Variants in DMXL1 observed in about 807,000 individuals in gnomAD.
The protein encoded by DMXL1 is dmX-like protein 1.
A neutral mutation model predicts 319.2 loss-of-function variants in DMXL1; 99 were observed. The ratio of observed to expected loss-of-function variants is 0.31; its 90% CI spans 0.26 to 0.37. DMXL1 has a LOEUF of 0.37. DMXL1 is among the 10% of genes least tolerant of loss of function. The probability of loss-of-function intolerance (pLI) is 1.00; values close to 1 mark genes in which losing one functional copy is unlikely to be tolerated. For missense variants in DMXL1, 3,745 were observed against 3,595.6 expected (o/e 1.04, Z -1.06); for synonymous variants, 1,385 against 1,235.2 (o/e 1.12, Z -2.54).
intron 38 of DMXL1, among the ~76,000 whole-genome samples, chr5:119,227,195 G>A (rs531357031): frequency 6.6e-6 from 1 of 152,266 alleles, no homozygotes; most frequent in East Asian, 1.9e-4. Flanking sequence ...TGTATTTTAT[G>A]TCACACTGGG....
intron 1 of DMXL1, among the ~76,000 whole-genome samples, chr5:119,094,057 G>A (rs1580659938): frequency 6.6e-6 from 1 of 152,228 alleles, no homozygotes; most frequent in East Asian, 1.9e-4. Context: ...TGATGTAGAA[G>A]CTTCGGCATG....
rs773415378 is a variant in DMXL1, at chr5:119,164,541, C to T, written c.4737C>T (p.His1579=). 2 of 1,614,058 alleles carry T rather than the reference C, an allele frequency of 1.2e-6. No individual in the cohort carries two copies. Among genetic ancestry groups the T allele is most frequent in the Non-Finnish European group, 1.7e-6 (2 of 1,179,952 alleles). ...CAAGTCATTTTGCTTGGGCATTTCA[C>T]TCAGTAGCAGAAGAAGAACTGCTGA... ...LSTSHFAWAF[H]SVAEEELLNM... is the part of the protein sequence containing the mutation. The change falls in exon 20 of 44, where the codon CAC becomes CAT. Residue 1579 remains histidine (H), a synonymous_variant. Transcript: ENST00000539542.
intron 9 of DMXL1, chr5:119,127,604 A>G (rs1763891742): frequency 6.1e-6 from 1 of 164,054 alleles, no homozygotes; most frequent in Admixed American, 6.4e-5. Flanking sequence ...ATGCCTGGCT[A>G]ATTTTTGTAT....
At chr5:119,224,352 A>G (rs1785164112) in intron 37 of DMXL1, among the ~76,000 whole-genome samples, 4 of 152,086 alleles carry the variant, frequency 2.6e-5, no homozygotes, top group Admixed American at 2.6e-4. Context: ...AAATTTATTT[A>G]ATTTTCTCTT....
chr5:119,121,091 A>G lies in DMXL1; in HGVS notation c.1054A>G (p.Asn352Asp), dbSNP rs762757255. 8 of 1,610,384 alleles carry G rather than the reference A, an allele frequency of 5.0e-6. No homozygotes were observed. Among genetic ancestry groups the G allele is most frequent in the Non-Finnish European group, 6.8e-6 (8 of 1,179,016 alleles). ...TCACAGGAACACTCCACTGCATGCC[A>G]ATGCACTTTGCCACTTTCATATTGC... ...HVHRNTPLHA[N>D]ALCHFHIAAS... The change falls in exon 9 of 44, where the codon AAT (asparagine) becomes GAT (aspartate). Residue 352 changes from asparagine to aspartate, a missense_variant. Transcript: ENST00000539542.
rs1364062890 is a variant in DMXL1 at position 119,171,869 on chromosome 5, T to C, written c.6581T>C (p.Val2194Ala). Residue 2194 changes from valine to alanine, a missense_variant, in exon 25 of 44, where the codon GTT becomes GCT. By Grantham distance (64) the Val-to-Ala change is moderately conservative. Around this residue, in one of 4 missense-constraint regions of DMXL1, gnomAD observed 1,382 missense variants for 1,269.5 expected, o/e 1.09. Coordinates refer to ENST00000539542, the MANE Select transcript of DMXL1 (RefSeq NM_001290321.3). ...FACTANAKTV[V>A]ANPLLHLSNL... is the part of the protein sequence containing the mutation. ...TGTACAGCCAATGCCAAAACAGTAG[T>C]TGCCAATCCATTATTGCACCTTAGT... 2 of 1,613,834 alleles carry C rather than the reference T, an allele frequency of 1.2e-6. No homozygotes were observed. Among genetic ancestry groups the C allele is most frequent in the Non-Finnish European group, 1.7e-6 (2 of 1,179,890 alleles).
At chr5:119,127,909 C>G in intron 9 of DMXL1, 1 of 358,900 alleles carries the variant, frequency 2.8e-6, no homozygotes, top group South Asian at 2.5e-5. Flanking sequence ...TTCACTTTTT[C>G]AAGCAAAAGC....
intron 3 of DMXL1, among the ~76,000 whole-genome samples, chr5:119,103,350 C>T (rs1387756113): frequency 2.6e-5 from 4 of 152,150 alleles, no homozygotes; most frequent in Non-Finnish European, 4.4e-5. Context: ...TGATAGTTTT[C>T]ATGTCATCTT....
intron 6 of DMXL1, among the ~76,000 whole-genome samples, chr5:119,115,354 T>C (rs1760606315): frequency 6.6e-6 from 1 of 152,220 alleles, no homozygotes; most frequent in Non-Finnish European, 1.5e-5. Context: ...AGTAACCATT[T>C]CTTTAGTGTG....
Position 119,170,436 on chromosome 5 carries a change from C to A in DMXL1, c.5645C>A (p.Pro1882His). The A allele has an allele frequency of 6.2e-7, 1 of 1,613,886 alleles. No individual in the cohort carries two copies. The highest frequency in any genetic ancestry group is 1.1e-5 in the South Asian group (1 of 91,066). The change falls in exon 24 of 44, where the codon CCT (proline) becomes CAT (histidine). Residue 1882 changes from proline (P) to histidine (H), a missense_variant. By Grantham distance (77) the Pro-to-His change is moderately conservative. Around this residue, in one of 4 missense-constraint regions of DMXL1, gnomAD observed 1,382 missense variants for 1,269.5 expected, o/e 1.09. Coordinates refer to ENST00000539542, the MANE Select transcript of DMXL1 (RefSeq NM_001290321.3). ...MLALEVLSKM[P>H]KVIKKTRPFY... ...GCTTTGGAAGTATTATCAAAGATGC[C>A]TAAAGTCATCAAGAAAACAAGACCT...
chr5:119,171,848 C>T lies in DMXL1; in HGVS notation c.6560C>T (p.Thr2187Ile), dbSNP rs1400500786. ...QTSVPLLFAC[T>I]ANAKTVVANP... Reference sequence around the variant, plus strand: ...TCAGTGCCTCTCCTCTTTGCTTGTACAGCCAATGCCAAAACAGTAGTTGCC... The same window carrying T: ...TCAGTGCCTCTCCTCTTTGCTTGTATAGCCAATGCCAAAACAGTAGTTGCC... The change falls in exon 25 of 44, where the codon ACA becomes ATA. Residue 2187 changes from threonine to isoleucine, a missense_variant. Physicochemically the swap from Thr to Ile is moderately conservative, Grantham distance 89. Coordinates refer to ENST00000539542, the MANE Select transcript of DMXL1 (RefSeq NM_001290321.3). 2 of 1,613,874 alleles carry T rather than the reference C, an allele frequency of 1.2e-6. No individual in the cohort carries two copies. The highest frequency in any genetic ancestry group is 1.7e-6 in the Non-Finnish European group (2 of 1,179,850).
intron 19 of DMXL1, among the ~76,000 whole-genome samples, chr5:119,161,040 C>T (rs1367310239): frequency 1.3e-5 from 2 of 152,174 alleles, no homozygotes; most frequent in African/African-American, 4.8e-5. Flanking sequence ...CCTGATTCTT[C>T]ACCATTCTCG....
At chr5:119,215,541 C>G (rs1052625127) in intron 34 of DMXL1, among the ~76,000 whole-genome samples, 1 of 151,888 alleles carries the variant, frequency 6.6e-6, no homozygotes, top group Non-Finnish European at 1.5e-5. Context: ...TTGTACTTTT[C>G]TCCATGTTGG....
At position 119,148,834 on chromosome 5, in the gene DMXL1, A is replaced by G; in HGVS notation, c.3007A>G (p.Arg1003Gly). 1.2e-6 allele frequency: 2 copies of G among 1,613,798 alleles called. No individual in the cohort carries two copies. The highest frequency in any genetic ancestry group is 1.1e-5 in the South Asian group (1 of 91,080). The change falls in exon 18 of 44, where the codon AGA becomes GGA. Residue 1003 changes from arginine (R) to glycine (G), a missense_variant. This residue lies in a region of DMXL1 where 2,096 missense variants were observed against 1,985.4 expected (regional missense o/e 1.06). Transcript: ENST00000539542. ...TGAGAAAGTAAGATTCTGGAGATGC[A>G]GAGTAACAGATGGAGAATCTGCCAC... is the stretch of plus-strand genomic sequence containing the variant. ...SDEKVRFWRC[R>G]VTDGESATSK...
chr5:119,111,586 A>T (rs1485488478), intron 5 of DMXL1, among the ~76,000 whole-genome samples: 6 of 152,156 alleles, frequency 3.9e-5, no homozygotes, highest in African/African-American at 1.4e-4. Flanking sequence ...AATGACACCC[A>T]AACTGGAAAT....
Position 119,164,650 on chromosome 5 carries a change from C to T in DMXL1, c.4846C>T (p.Arg1616Cys), listed in dbSNP as rs373601943. 43 of 1,600,994 alleles carry T rather than the reference C, an allele frequency of 2.7e-5. No individual in the cohort carries two copies. Among genetic ancestry groups the T allele is most frequent in the Middle Eastern group, 1.7e-4 (1 of 6,032 alleles). Reference protein sequence around the residue: ...MGVGWWVRNTRILRKCIEKVA... With the variant: ...MGVGWWVRNTCILRKCIEKVA... ...TGTGGGGTGGTGGGTCCGGAATACCCGCATCTTACGCAAATGCATAGAAAA... is the reference window on the plus strand; with the variant it reads ...TGTGGGGTGGTGGGTCCGGAATACCTGCATCTTACGCAAATGCATAGAAAA... Residue 1616 changes from arginine to cysteine, a missense_variant, in exon 20 of 44, where the codon CGC becomes TGC. This residue lies in a region of DMXL1 where 2,096 missense variants were observed against 1,985.4 expected (regional missense o/e 1.06). Coordinates refer to ENST00000539542, the MANE Select transcript of DMXL1 (RefSeq NM_001290321.3).
chr5:119,164,600 C>T lies in DMXL1; in HGVS notation c.4796C>T (p.Thr1599Ile). The change falls in exon 20 of 44, where the codon ACT becomes ATT. Residue 1599 changes from threonine (T) to isoleucine (I), a missense_variant. By Grantham distance (89) the Thr-to-Ile change is moderately conservative. Around this residue, in one of 4 missense-constraint regions of DMXL1, gnomAD observed 2,096 missense variants for 1,985.4 expected, o/e 1.06. Coordinates refer to ENST00000539542, the MANE Select transcript of DMXL1 (RefSeq NM_001290321.3). ...CCAGCCATGCAGAAAGATGATCCCA[C>T]TTGGTCTGAACTAAGAGCTATGGGT... Reference protein sequence around the residue: ...MLPAMQKDDPTWSELRAMGVG... With the variant: ...MLPAMQKDDPIWSELRAMGVG... 1 of 1,614,148 alleles carries T rather than the reference C, an allele frequency of 6.2e-7. No individual in the cohort carries two copies. The highest frequency in any genetic ancestry group is 8.5e-7 in the Non-Finnish European group (1 of 1,180,008).
At chr5:119,165,924 C>G (rs1467408863) in intron 21 of DMXL1, among the ~76,000 whole-genome samples, 2 of 152,188 alleles carry the variant, frequency 1.3e-5, no homozygotes, top group South Asian at 2.1e-4. Flanking sequence ...AAACCAGAAA[C>G]TTATGCTTGG....
intron 9 of DMXL1, among the ~76,000 whole-genome samples, chr5:119,123,648 G>A (rs1234158891): frequency 6.6e-6 from 1 of 151,732 alleles, no homozygotes; most frequent in East Asian, 2.0e-4. Context: ...TACAGATATA[G>A]TATTGTATTT....
Sources: gnomAD v4.1 joint callset for allele counts (sites outside exome capture counted in the v4.1 genomes callset) on GRCh38, gnomAD v4.1.1 for gene constraint, gnomAD v4.1.1 regional missense constraint, MANE v1.5 for transcripts, NCBI Gene and HGNC (gene_info 2026-07-23, HGNC 2026-07-21) for gene names.